Variants in PIK3C2G observed in about 807,000 individuals in gnomAD.
The protein encoded by PIK3C2G is phosphatidylinositol-4-phosphate 3-kinase catalytic subunit type 2 gamma, also known as phosphatidylinositol 3-kinase C2 domain-containing subunit gamma.
PIK3C2G carries 168 observed loss-of-function variants against 181.1 expected under a neutral mutation model. That is an observed-to-expected ratio of 0.93 (90% CI 0.82 to 1.05). The LOEUF (loss-of-function observed/expected upper bound fraction) is 1.05. Ranked by LOEUF, PIK3C2G falls within the 50% of genes least tolerant of loss-of-function variation. PIK3C2G has a pLI of 0.00. For synonymous variants in PIK3C2G, 573 were observed against 592.2 expected, an observed-to-expected ratio of 0.97 and a Z score of 0.47; for missense variants, 1,869 against 1,732.8, an observed-to-expected ratio of 1.08 and a Z score of -1.40.
intron 18 of PIK3C2G, among the ~76,000 whole-genome samples, chr12:18,460,385 A>G (rs1244429272): frequency 6.6e-6 from 1 of 151,932 alleles, no homozygotes; most frequent in African/African-American, 2.4e-5. Context: ...CAGCCTGGCC[A>G]ATATGGTGAA....
intron 18 of PIK3C2G, among the ~76,000 whole-genome samples, chr12:18,431,048 T>C (rs1249580769): frequency 6.6e-6 from 1 of 152,086 alleles, no homozygotes; most frequent in East Asian, 1.9e-4. Flanking sequence ...ATGTGGAAAT[T>C]TGGCATCATG....
At chr12:18,608,013 A>G (rs1359270417) in intron 30 of PIK3C2G, among the ~76,000 whole-genome samples, 1 of 152,154 alleles carries the variant, frequency 6.6e-6, no homozygotes, top group Non-Finnish European at 1.5e-5. Context: ...ACCATCTCAC[A>G]CCAGTTAGAA....
chr12:18,627,671 A>C (rs531729497), intron 31 of PIK3C2G, among the ~76,000 whole-genome samples: 1 of 152,304 alleles, frequency 6.6e-6, no homozygotes, highest in East Asian at 1.9e-4. Flanking sequence ...ATCATATCGC[A>C]AGTGCTTTTA....
chr12:18,349,103 A>G (rs1167722424), intron 11 of PIK3C2G, among the ~76,000 whole-genome samples: 3 of 152,194 alleles, frequency 2.0e-5, no homozygotes, highest in Non-Finnish European at 2.9e-5. Flanking sequence ...TCCATGAGCA[A>G]GGGAACACCA....
intron 1 of PIK3C2G, among the ~76,000 whole-genome samples, chr12:18,276,073 A>G (rs915363665): frequency 2.6e-5 from 4 of 152,194 alleles, no homozygotes; most frequent in African/African-American, 9.6e-5. Context: ...CAGCAGCTAC[A>G]TCTTCTGATC....
intron 18 of PIK3C2G, among the ~76,000 whole-genome samples, chr12:18,464,940 T>G (rs1937693748): frequency 6.6e-6 from 1 of 152,016 alleles, no homozygotes; most frequent in Admixed American, 6.6e-5. Flanking sequence ...TTTCTGTTTC[T>G]TTACCCTTTC....
intron 31 of PIK3C2G, among the ~76,000 whole-genome samples, chr12:18,639,565 G>C (rs1949757606): frequency 6.6e-6 from 1 of 152,144 alleles, no homozygotes. Flanking sequence ...AGTTGGTCAA[G>C]ATCACAAAGG....
intron 24 of PIK3C2G, among the ~76,000 whole-genome samples, chr12:18,531,227 C>A (rs2136217054): frequency 6.6e-6 from 1 of 152,158 alleles, no homozygotes; most frequent in East Asian, 1.9e-4. Flanking sequence ...CTGTTATCAT[C>A]TATATATATT....
chr12:18,281,744 C>G (rs1052230509), intron 1 of PIK3C2G, among the ~76,000 whole-genome samples: 1 of 152,054 alleles, frequency 6.6e-6, no homozygotes, highest in Non-Finnish European at 1.5e-5. Context: ...TTTGAATAGA[C>G]TCATGAAACT....
intron 8 of PIK3C2G, among the ~76,000 whole-genome samples, chr12:18,332,344 G>A (rs1938061105): frequency 6.6e-6 from 1 of 152,032 alleles, no homozygotes; most frequent in Non-Finnish European, 1.5e-5. Context: ...CTCAATGCTA[G>A]ACCTATTTTG....
upstream of PIK3C2G, among the ~76,000 whole-genome samples, chr12:18,247,295 C>G (rs1591756250): frequency 6.6e-6 from 1 of 152,088 alleles, no homozygotes; most frequent in Non-Finnish European, 1.5e-5. Context: ...CACCCAACAT[C>G]TATAGGAAGA....
chr12:18,407,492 A>ATGG lies in PIK3C2G; in HGVS notation c.2315+7646_2315+7648dup, dbSNP rs530254824. On this transcript the variant is annotated intron_variant, in intron 16 of 32. Coordinates refer to ENST00000538779, the MANE Select transcript of PIK3C2G (RefSeq NM_001288772.2). Reference sequence around the variant, plus strand: ...TCATTTATTCAATACGTGTATATTGATGGCCTACTCACCTTAGACACTTTG... The same window carrying ATGG: ...TCATTTATTCAATACGTGTATATTGATGGTGGCCTACTCACCTTAGACACTTTG... 2.3e-3 allele frequency among the ~76,000 whole-genome samples: 345 copies of ATGG among 152,196 alleles called. 1 individual carries two copies. Among genetic ancestry groups the ATGG allele is most frequent in the African/African-American group, 8.0e-3 (334 of 41,544 alleles).
chr12:18,399,380 T>A (rs866030828), intron 15 of PIK3C2G, among the ~76,000 whole-genome samples: 7 of 139,640 alleles, frequency 5.0e-5, no homozygotes, highest in Admixed American at 1.4e-4. Flanking sequence ...AATGACATAT[T>A]AAAAAAAAAA....
chr12:18,352,097 A>G (rs2137707488), intron 11 of PIK3C2G, among the ~76,000 whole-genome samples: 1 of 152,246 alleles, frequency 6.6e-6, no homozygotes, highest in African/African-American at 2.4e-5. Flanking sequence ...GAATCTGTGG[A>G]TGCATAACCT....
intron 26 of PIK3C2G, among the ~76,000 whole-genome samples, chr12:18,549,690 G>A (rs188493108): frequency 1.3e-5 from 2 of 152,114 alleles, no homozygotes; most frequent in Non-Finnish European, 2.9e-5. Flanking sequence ...ATATTCTCCA[G>A]CCTTTCTCAG....
intron 31 of PIK3C2G, among the ~76,000 whole-genome samples, chr12:18,626,226 T>G (rs1352153476): frequency 2.0e-5 from 3 of 151,924 alleles, no homozygotes; most frequent in Non-Finnish European, 4.4e-5. Flanking sequence ...CCCTGATGCT[T>G]ACAAATAATA....
intron 25 of PIK3C2G, among the ~76,000 whole-genome samples, chr12:18,544,105 T>G (rs1944302646): frequency 6.6e-6 from 1 of 151,818 alleles, no homozygotes; most frequent in Admixed American, 6.6e-5. Context: ...AAAAAGAATT[T>G]CAGTGACAAG....
chr12:18,352,286 G>A (rs1040883394), intron 11 of PIK3C2G, among the ~76,000 whole-genome samples: 49 of 152,330 alleles, frequency 3.2e-4, no homozygotes, highest in African/African-American at 1.2e-3. Flanking sequence ...ATACTTCAGT[G>A]TACTTCATCC....
At chr12:18,531,358 T>A (rs1943545388) in intron 24 of PIK3C2G, among the ~76,000 whole-genome samples, 1 of 152,212 alleles carries the variant, frequency 6.6e-6, no homozygotes, top group African/African-American at 2.4e-5. Context: ...TAATAAATAA[T>A]ACAAAGAGAT....
Sources: gnomAD v4.1 joint callset for allele counts (sites outside exome capture counted in the v4.1 genomes callset) on GRCh38, gnomAD v4.1.1 for gene constraint, MANE v1.5 for transcripts, NCBI Gene and HGNC (gene_info 2026-07-23, HGNC 2026-07-21) for gene names.